Variants in ANKRD28 observed in about 807,000 individuals in gnomAD.
ANKRD28 encodes ankyrin repeat domain 28, also known as serine/threonine-protein phosphatase 6 regulatory ankyrin repeat subunit A.
A neutral mutation model predicts 126.5 loss-of-function variants in ANKRD28; 44 were observed. The observed-to-expected ratio is 0.35, with a 90% CI of 0.27 to 0.45. ANKRD28 has a LOEUF of 0.45. ANKRD28 is among the 20% of genes least tolerant of loss of function. The probability of loss-of-function intolerance (pLI) is 1.00; values close to 1 mark genes in which losing one functional copy is unlikely to be tolerated. For synonymous variants in ANKRD28, 442 were observed against 468.5 expected (o/e 0.94, Z 0.73); for missense variants, 1,110 against 1,316.6 (o/e 0.84, Z 2.43).
At chr3:15,694,126 C>T (rs984113100) in intron 17 of ANKRD28, among the ~76,000 whole-genome samples, 16 of 152,012 alleles carry the variant, frequency 1.1e-4, no homozygotes, top group African/African-American at 3.6e-4. Flanking sequence ...AGATTAGGAT[C>T]TACTTGAAAT....
At chr3:15,742,557 G>C (rs1455349595) in intron 4 of ANKRD28, among the ~76,000 whole-genome samples, 1 of 141,960 alleles carries the variant, frequency 7.0e-6, no homozygotes, top group Non-Finnish European at 1.5e-5. Flanking sequence ...CCCCGTCTGG[G>C]AAGTGAGGAG....
At chr3:15,831,058 T>C (rs2061177641) in intron 1 of ANKRD28, among the ~76,000 whole-genome samples, 2 of 152,188 alleles carry the variant, frequency 1.3e-5, no homozygotes, top group African/African-American at 4.8e-5. Flanking sequence ...CCTGAAACTC[T>C]CCTGGACCTC....
chr3:15,742,332 G>A (rs1210677460), intron 4 of ANKRD28, among the ~76,000 whole-genome samples: 8 of 150,874 alleles, frequency 5.3e-5, no homozygotes, highest in Admixed American at 4.6e-4. Flanking sequence ...AGGAAGTGAG[G>A]AGCTTCTCTG....
rs186979538 is a variant in ANKRD28, at chr3:15,830,007, A to G, written c.27+29370T>C. ...TAAGCATTTTTCCTGTGCAGCATAT[A>G]CTCATTTTATCATACAGACACCCCA... is the stretch of plus-strand genomic sequence containing the variant. On this transcript the variant is annotated intron_variant, in intron 1 of 27. Coordinates refer to the ANKRD28 transcript ENST00000399451. This position sits in a 1 kb window ranked among gnomAD's most constrained non-coding sequence, Gnocchi z 4.5. 9.9e-5 allele frequency among the ~76,000 whole-genome samples: 15 copies of G among 151,978 alleles called. No homozygotes were observed. The highest frequency in any genetic ancestry group is 3.6e-4 in the African/African-American group (15 of 41,452).
chr3:15,790,726 T>C (rs1471161598), intron 2 of ANKRD28, among the ~76,000 whole-genome samples: 1 of 151,982 alleles, frequency 6.6e-6, no homozygotes, highest in East Asian at 1.9e-4. Flanking sequence ...CTCTAAGACC[T>C]GCAACACAAG....
chr3:15,843,302 T>C lies in ANKRD28; in HGVS notation c.27+16075A>G, dbSNP rs1398693863. Among the ~76,000 whole-genome samples, 1 of 152,148 alleles carries C rather than the reference T, an allele frequency of 6.6e-6. No homozygotes were observed. The highest frequency in any genetic ancestry group is 1.5e-5 in the Non-Finnish European group (1 of 68,036). ...GGTGCTAAGCCATTCATGAGAAATC[T>C]GCCCCCATGATCCAATCACCTCTCA... is the stretch of plus-strand genomic sequence containing the variant. On this transcript the variant is annotated intron_variant, in intron 1 of 27. Coordinates refer to the ANKRD28 transcript ENST00000399451. The surrounding 1 kb of genome is among the most constrained non-coding windows in gnomAD (Gnocchi z 5.2).
In ANKRD28 at chr3:15,854,887, A is replaced by C. The variant is rs529370496; in HGVS notation, c.27+4490T>G. On this transcript the variant is annotated intron_variant, in intron 1 of 27. Transcript: ENST00000399451. The surrounding 1 kb of genome is among the most constrained non-coding windows in gnomAD (Gnocchi z 4.1). ...AACATGGTGAAACCCCGTCTCTACT[A>C]AAATTACAAAAATTAGCTGGGTGTG... Among the ~76,000 whole-genome samples the C allele has an allele frequency of 3.9e-5, 6 of 152,116 alleles. No homozygotes were observed. The highest frequency in any genetic ancestry group is 7.4e-5 in the Non-Finnish European group (5 of 68,022).
intron 1 of ANKRD28, among the ~76,000 whole-genome samples, chr3:15,829,590 G>C (rs749618917): frequency 6.6e-6 from 1 of 151,966 alleles, no homozygotes; most frequent in Non-Finnish European, 1.5e-5. Flanking sequence ...CAGTAATTTG[G>C]AAAATGCTGG....
chr3:15,736,498 G>A (rs1173535305), intron 5 of ANKRD28, among the ~76,000 whole-genome samples: 1 of 152,162 alleles, frequency 6.6e-6, no homozygotes, highest in Admixed American at 6.5e-5. Context: ...GACTAGACAA[G>A]TTGGCTTCAA....
intron 14 of ANKRD28, among the ~76,000 whole-genome samples, chr3:15,703,005 G>A (rs1389554667): frequency 6.6e-6 from 1 of 152,150 alleles, no homozygotes. Flanking sequence ...GCACAGAGAG[G>A]TTAAGTAATT....
rs972437416 is a variant in ANKRD28 at position 15,833,254 on chromosome 3, C to T, written c.27+26123G>A. Among the ~76,000 whole-genome samples, 1 of 152,102 alleles carries T rather than the reference C, an allele frequency of 6.6e-6. No individual in the cohort carries two copies. The highest frequency in any genetic ancestry group is 1.5e-5 in the Non-Finnish European group (1 of 68,020). ...GGCACCATCTAATCAGCTGTCAGCA[C>T]AGCTGGAATATGAAGTAGGCAGAAA... On this transcript the variant is annotated intron_variant, in intron 1 of 27. Transcript: ENST00000399451. This position sits in a 1 kb window ranked among gnomAD's most constrained non-coding sequence, Gnocchi z 4.4.
chr3:15,765,843 AAACCAAAAAAAAAAAAAAAAACC>A (rs1254410134), intron 3 of ANKRD28, among the ~76,000 whole-genome samples: 5 of 90,666 alleles, frequency 5.5e-5, no homozygotes, highest in Non-Finnish European at 1.3e-4. Flanking sequence ...CAAAAACCAA[AAACCAAAAAAAAAAAAAAAAACC>A]AACCAAAAAA....
intron 2 of ANKRD28, among the ~76,000 whole-genome samples, chr3:15,768,992 T>G (rs1287649138): frequency 5.3e-5 from 8 of 152,122 alleles, no homozygotes; most frequent in Non-Finnish European, 1.0e-4. Context: ...GTGTCCTAAT[T>G]TAGTCATTTT....
chr3:15,676,220 A>G lies in ANKRD28; in HGVS notation c.2874-231T>C, dbSNP rs145456724. ...GGCATCAAGCTCAGCCATAGGTCCC[A>G]TCGACAGGTCCCTACCTTCACCCAA... On this transcript the variant is annotated intron_variant, in intron 26 of 27. Coordinates refer to ENST00000683139, the MANE Select transcript of ANKRD28 (RefSeq NM_001349278.2). 728 of 392,820 alleles carry G rather than the reference A, an allele frequency of 1.9e-3. 6 individuals are homozygous for G. Among genetic ancestry groups the G allele is most frequent in the Non-Finnish European group, 6.4e-4 (142 of 221,140 alleles). The allele number at this position is 392,820 out of a possible 1,614,324, so 24.3% of individuals were successfully genotyped here. A position where few individuals can be genotyped will look rare whatever the true frequency, so the allele number is the denominator to read the frequency against.
chr3:15,742,862 C>T (rs1411052157), intron 4 of ANKRD28, among the ~76,000 whole-genome samples: 2 of 147,584 alleles, frequency 1.4e-5, no homozygotes, highest in African/African-American at 2.5e-5. Context: ...GCCACCACCC[C>T]GTCTGGGAGG....
In ANKRD28 at chr3:15,667,354, G is replaced by A. The variant is rs2066032329; in HGVS notation, c.*2916C>T. 1 of 152,216 alleles carries A rather than the reference G, an allele frequency of 6.6e-6. No individual in the cohort carries two copies. The highest frequency in any genetic ancestry group is 1.5e-5 in the Non-Finnish European group (1 of 68,030). The allele number at this position is 152,216 out of a possible 1,614,324, so 9.4% of individuals were successfully genotyped here. On this transcript the variant is annotated 3_prime_UTR_variant, in exon 28 of 28. Transcript: ENST00000683139. ...CTAAATGGCATTGTTTGAGATGAGT[G>A]TCTTGTTAAAGGAGGTCATTTGCTA...
At chr3:15,672,545 C>T (rs2066481443) in intron 27 of ANKRD28, among the ~76,000 whole-genome samples, 2 of 152,134 alleles carry the variant, frequency 1.3e-5, no homozygotes, top group Admixed American at 6.6e-5. Context: ...GAAGGCTGTC[C>T]GTATTTTTAA....
chr3:15,825,456 G>A (rs1222382665), intron 1 of ANKRD28, among the ~76,000 whole-genome samples: 2 of 152,120 alleles, frequency 1.3e-5, no homozygotes, highest in Non-Finnish European at 2.9e-5. Context: ...GAGCCAATTC[G>A]GGGCGGTGGG....
intron 3 of ANKRD28, among the ~76,000 whole-genome samples, chr3:15,753,249 C>T (rs906937407): frequency 6.6e-6 from 1 of 152,132 alleles, no homozygotes; most frequent in African/African-American, 2.4e-5. Context: ...CACTGTGGAA[C>T]CCTAGATGGT....
Sources: gnomAD v4.1 joint callset for allele counts (sites outside exome capture counted in the v4.1 genomes callset) on GRCh38, gnomAD v4.1.1 for gene constraint, Gnocchi (gnomAD v3.1) non-coding constraint, MANE v1.5 for transcripts, NCBI Gene and HGNC (gene_info 2026-07-23, HGNC 2026-07-21) for gene names.